Variants in PIGW observed in about 807,000 individuals in gnomAD.
PIGW encodes phosphatidylinositol glycan anchor biosynthesis class W, also known as glucosaminyl-phosphatidylinositol-acyltransferase PIGW.
A neutral mutation model predicts 34.0 loss-of-function variants in PIGW; 23 were observed. The observed-to-expected ratio is 0.68, with a 90% CI of 0.49 to 0.96. PIGW has a LOEUF of 0.96. PIGW is among the 40% of genes least tolerant of loss of function. PIGW has a pLI of 0.00. For missense variants in PIGW, 574 were observed against 586.3 expected (o/e 0.98, Z 0.22); for synonymous variants, 225 against 225.2 (o/e 1.00, Z 0.01).
Position 36,537,499 on chromosome 17 carries a change from G to A in PIGW, c.398G>A (p.Arg133His), listed in dbSNP as rs997305566. ...SEYNPAISCF[R>H]VITSAFTAIA... ...TACAATCCAGCCATCTCCTGTTTCC[G>A]TGTAATTACCAGTGCGTTTACTGCT... is the stretch of plus-strand genomic sequence containing the variant. The change falls in exon 2 of 2, where the codon CGT becomes CAT. Residue 133 changes from arginine (R) to histidine (H), a missense_variant. Transcript: ENST00000614443. The A allele has an allele frequency of 7.4e-6, 12 of 1,613,918 alleles. No homozygotes were observed. The highest frequency in any genetic ancestry group is 1.6e-4 in the Middle Eastern group (1 of 6,084).
In PIGW at chr17:36,538,438, G is replaced by A; in HGVS notation, c.1337G>A (p.Arg446Lys). ...PSLCLITALN[R>K]KQLIFFLLSN... is the part of the protein sequence containing the mutation. ...CTTTGTTTAATCACAGCTCTAAACAGAAAACAGTTAATATTTTTCTTGCTG... is the reference window on the plus strand; with the variant it reads ...CTTTGTTTAATCACAGCTCTAAACAAAAAACAGTTAATATTTTTCTTGCTG... The change falls in exon 2 of 2, where the codon AGA (arginine) becomes AAA (lysine). Residue 446 changes from arginine to lysine, a missense_variant. Coordinates refer to ENST00000614443, the MANE Select transcript of PIGW (RefSeq NM_001346754.2). 8 of 1,614,162 alleles carry A rather than the reference G, an allele frequency of 5.0e-6. No homozygotes were observed. In the Middle Eastern group the frequency reaches 1.2e-3, roughly 233 times the overall value.
Position 36,537,800 on chromosome 17 carries a change from A to T in PIGW, c.699A>T (p.Gly233=). The change falls in exon 2 of 2, where the codon GGA becomes GGT. Residue 233 remains glycine (G), a synonymous_variant. Transcript: ENST00000614443. ...ATCAGGAACATTTAACAGAGTATGG[A>T]GTTCACTGGAACTTTTTCTTTACCA... The part of the protein sequence containing the change: ...IGYQEHLTEY[G]VHWNFFFTII... The T allele has an allele frequency of 6.2e-7, 1 of 1,614,146 alleles. No homozygotes were observed. The highest frequency in any genetic ancestry group is 8.5e-7 in the Non-Finnish European group (1 of 1,179,996).
In PIGW at chr17:36,537,642, G is replaced by C. The variant is rs772405749; in HGVS notation, c.541G>C (p.Val181Leu). 3 of 1,614,146 alleles carry C rather than the reference G, an allele frequency of 1.9e-6. No homozygotes were observed. Among genetic ancestry groups the C allele is most frequent in the Non-Finnish European group, 2.5e-6 (3 of 1,180,034 alleles). ...VGGFVFGSAM[V>L]CLEVRRRKYM... ...TGGCTTTGTTTTTGGGTCTGCAATG[G>C]TTTGTCTAGAGGTCAGGAGGAGAAA... is the stretch of plus-strand genomic sequence containing the variant. The change falls in exon 2 of 2, where the codon GTT (valine) becomes CTT (leucine). Residue 181 changes from valine (V) to leucine (L), a missense_variant. Coordinates refer to ENST00000614443, the MANE Select transcript of PIGW (RefSeq NM_001346754.2).
Position 36,538,607 on chromosome 17 carries a change from A to G in PIGW, c.1506A>G (p.Gln502=), listed in dbSNP as rs1241968920. The change falls in exon 2 of 2, where the codon CAA becomes CAG. Residue 502 remains glutamine (Q), a synonymous_variant. Transcript: ENST00000614443. The part of the protein sequence containing the change: ...YVLYLQDKTV[Q]FW ...TATATTTGCAAGATAAGACTGTACA[A>G]TTTTGGTGATCAGCAGGAGTAGGAT... 4.4e-6 allele frequency: 7 copies of G among 1,592,912 alleles called. No homozygotes were observed. Among genetic ancestry groups the G allele is most frequent in the African/African-American group, 1.3e-5 (1 of 74,180 alleles).
rs117789606 is a variant in PIGW at position 36,537,354 on chromosome 17, G to A, written c.253G>A (p.Gly85Ser). 1,018 of 1,613,740 alleles carry A rather than the reference G, an allele frequency of 6.3e-4. 10 individuals are homozygous for A. The East Asian group carries it at 0.019, about 31-fold the overall frequency. Reference sequence around the variant, plus strand: ...TTCATTTATCCTCCTTGAGCTTCTCGGTGTAATTATCTTTGGGGCAGGGCT... The same window carrying A: ...TTCATTTATCCTCCTTGAGCTTCTCAGTGTAATTATCTTTGGGGCAGGGCT... ...WASFILLELLGVIIFGAGLLY... is the reference protein window; with the variant it reads ...WASFILLELLSVIIFGAGLLY... Residue 85 changes from glycine (G) to serine (S), a missense_variant, in exon 2 of 2, where the codon GGT becomes AGT. Coordinates refer to ENST00000614443, the MANE Select transcript of PIGW (RefSeq NM_001346754.2).
chr17:36,538,092 T>C lies in PIGW; in HGVS notation c.991T>C (p.Ser331Pro), dbSNP rs775303110. Residue 331 changes from serine to proline, a missense_variant, in exon 2 of 2, where the codon TCA becomes CCA. Physicochemically the swap from Ser to Pro is moderately conservative, Grantham distance 74. Transcript: ENST00000614443. The part of the protein sequence containing the change: ...QTGLYMHKNR[S>P]HIKDLIKVAC... ...AGGGTTATATATGCATAAGAACCGA[T>C]CACATATCAAAGACTTGATAAAAGT... 1 of 1,614,216 alleles carries C rather than the reference T, an allele frequency of 6.2e-7. No homozygotes were observed. The highest frequency in any genetic ancestry group is 2.2e-5 in the East Asian group (1 of 44,880).
Position 36,535,537 on chromosome 17 carries a change from A to G in PIGW, c.-64A>G, listed in dbSNP as rs916998256. On this transcript the variant is annotated 5_prime_UTR_variant, in exon 1 of 2. Transcript: ENST00000614443. ...CGCGTGGTTTGGCGGGTGCAGCGGC[A>G]GTCCGGCTGCCCTTCCCACGTAGAC... is the stretch of plus-strand genomic sequence containing the variant. 6.6e-6 allele frequency: 1 copy of G among 152,234 alleles called. No individual in the cohort carries two copies. Among genetic ancestry groups the G allele is most frequent in the Non-Finnish European group, 1.5e-5 (1 of 68,036 alleles). The allele number at this position is 152,234 out of a possible 1,614,324, so 9.4% of individuals were successfully genotyped here.
In PIGW at chr17:36,535,570, T is replaced by G. The variant is rs1042658337; in HGVS notation, c.-31T>G. ...TGCCCTTCCCACGTAGACCGTCTGC[T>G]GGGGGCGCCGGCACCATTTGGAGTA... On this transcript the variant is annotated 5_prime_UTR_variant, in exon 1 of 2. Transcript: ENST00000614443. The G allele has an allele frequency of 6.6e-6, 1 of 152,224 alleles. No homozygotes were observed. The highest frequency in any genetic ancestry group is 1.5e-5 in the Non-Finnish European group (1 of 68,048). 9.4% of individuals were successfully genotyped at this position (152,224 alleles called of 1,614,324 possible).
At position 36,537,652 on chromosome 17, in the gene PIGW, A is replaced by T; in HGVS notation, c.551A>T (p.Glu184Val). 1 of 1,614,124 alleles carries T rather than the reference A, an allele frequency of 6.2e-7. No individual in the cohort carries two copies. The change falls in exon 2 of 2, where the codon GAG becomes GTG. Residue 184 changes from glutamate (E) to valine (V), a missense_variant. Transcript: ENST00000614443. ...FVFGSAMVCLEVRRRKYMEGS... is the reference protein window; with the variant it reads ...FVFGSAMVCLVVRRRKYMEGS... ...TTTGGGTCTGCAATGGTTTGTCTAG[A>T]GGTCAGGAGGAGAAAATATATGGAA...
In PIGW at chr17:36,535,203, T is replaced by C. The variant is rs1467986642; in HGVS notation, c.-398T>C. 6 of 152,258 alleles carry C rather than the reference T, an allele frequency of 3.9e-5. No homozygotes were observed. Among genetic ancestry groups the C allele is most frequent in the East Asian group, 1.9e-4 (1 of 5,174 alleles). 9.4% of individuals were successfully genotyped at this position (152,258 alleles called of 1,614,324 possible). On this transcript the variant is annotated 5_prime_UTR_variant, in exon 1 of 2. Coordinates refer to ENST00000614443, the MANE Select transcript of PIGW (RefSeq NM_001346754.2). ...AGTAGAGGTCGCCGCGGCGGAGTCTTGTGCGAGTGCGGCGGAGTGTTGTGC... is the reference window on the plus strand; with the variant it reads ...AGTAGAGGTCGCCGCGGCGGAGTCTCGTGCGAGTGCGGCGGAGTGTTGTGC...
intron 1 of PIGW, among the ~76,000 whole-genome samples, chr17:36,536,657 G>A (rs1386462423): frequency 6.6e-6 from 1 of 151,296 alleles, no homozygotes; most frequent in Non-Finnish European, 1.5e-5. Flanking sequence ...TGGGATTACA[G>A]GCGGGTGCCA....
Position 36,537,192 on chromosome 17 carries a change from T to C in PIGW, c.91T>C (p.Phe31Leu). 6.2e-7 allele frequency: 1 copy of C among 1,614,190 alleles called. No homozygotes were observed. The highest frequency in any genetic ancestry group is 8.5e-7 in the Non-Finnish European group (1 of 1,180,000). Residue 31 changes from phenylalanine to leucine, a missense_variant, in exon 2 of 2, where the codon TTC (phenylalanine) becomes CTC (leucine). Transcript: ENST00000614443. ...EITQGLCFPA[F>L]CILCRGFLII... ...CACCCAGGGATTGTGCTTTCCTGCA[T>C]TCTGTATCCTGTGCAGAGGGTTCCT...
intron 1 of PIGW, among the ~76,000 whole-genome samples, chr17:36,536,129 C>G (rs55791191): frequency 6.6e-6 from 1 of 152,278 alleles, no homozygotes; most frequent in South Asian, 2.1e-4. Flanking sequence ...TTTTACAACC[C>G]TTAATAAAAG....
In PIGW at chr17:36,537,628, T is replaced by C. The variant is rs2074160455; in HGVS notation, c.527T>C (p.Phe176Ser). 1 of 1,614,002 alleles carries C rather than the reference T, an allele frequency of 6.2e-7. No homozygotes were observed. Among genetic ancestry groups the C allele is most frequent in the Admixed American group, 1.7e-5 (1 of 59,976 alleles). ...GATTTTGGAGTAGGTGGCTTTGTTT[T>C]TGGGTCTGCAATGGTTTGTCTAGAG... The part of the protein sequence containing the change: ...AMDFGVGGFV[F>S]GSAMVCLEVR... The change falls in exon 2 of 2, where the codon TTT becomes TCT. Residue 176 changes from phenylalanine (F) to serine (S), a missense_variant. Physicochemically the swap from Phe to Ser is radical, Grantham distance 155. Coordinates refer to ENST00000614443, the MANE Select transcript of PIGW (RefSeq NM_001346754.2).
At chr17:36,535,621 C>G (rs943203476) in intron 1 of PIGW, 29 bp downstream of exon 1, 2 of 152,224 alleles carry the variant, frequency 1.3e-5, no homozygotes, top group South Asian at 4.1e-4. Context: ...TAGGGCGCGG[C>G]CAGGTCGGGC....
Position 36,538,006 on chromosome 17 carries a change from A to G in PIGW, c.905A>G (p.Asn302Ser), listed in dbSNP as rs773486077. Residue 302 changes from asparagine (N) to serine (S), a missense_variant, in exon 2 of 2, where the codon AAC becomes AGC. Transcript: ENST00000614443. ...SGTRVGLLNANREGIISTLGY... is the reference protein window; with the variant it reads ...SGTRVGLLNASREGIISTLGY... ...ACACGGGTTGGTCTATTAAATGCCA[A>G]CCGCGAAGGAATAATCTCTACCCTG... 1.2e-6 allele frequency: 2 copies of G among 1,614,048 alleles called. No homozygotes were observed. The highest frequency in any genetic ancestry group is 1.7e-6 in the Non-Finnish European group (2 of 1,180,048).
rs886974752 is a variant in PIGW at position 36,538,760 on chromosome 17, AT to A, written c.*155del. ...ATCTAAACAGCAGTGATGCTTAATTATTTTTTTTTTTGAGACAGAGTCTTGC... is the reference window on the plus strand; with the variant it reads ...ATCTAAACAGCAGTGATGCTTAATTATTTTTTTTTTGAGACAGAGTCTTGC... On this transcript the variant is annotated 3_prime_UTR_variant, in exon 2 of 2. Coordinates refer to ENST00000614443, the MANE Select transcript of PIGW (RefSeq NM_001346754.2). The A allele has an allele frequency of 0.053, 28,455 of 540,014 alleles. No individual in the cohort carries two copies. The highest frequency in any genetic ancestry group is 0.084 in the South Asian group (2,498 of 29,774). 33.5% of individuals were successfully genotyped at this position (540,014 alleles called of 1,614,324 possible).
At chr17:36,537,025 A>G (rs902760395) in intron 1 of PIGW, 69 bp from the exon 2 acceptor site, 12 of 1,348,700 alleles carry the variant, frequency 8.9e-6, no homozygotes, top group Non-Finnish European at 1.1e-5. Context: ...AGTAAAATTA[A>G]GCCAGGTATG....
At position 36,538,214 on chromosome 17, in the gene PIGW, A is replaced by G. The variant is rs2074170125; in HGVS notation, c.1113A>G (p.Leu371=). 6.2e-7 allele frequency: 1 copy of G among 1,613,234 alleles called. No homozygotes were observed. Among genetic ancestry groups the G allele is most frequent in the African/African-American group, 1.3e-5 (1 of 75,062 alleles). The stretch of plus-strand genomic sequence containing the variant: ...CAGTATCTCGAAGAATGGCAAATTT[A>G]GCCTTTTGTATTTGGATAGTTGCTT... ...VEAVSRRMAN[L]AFCIWIVASS... Residue 371 remains leucine (L), a synonymous_variant, in exon 2 of 2, where the codon TTA becomes TTG. Coordinates refer to ENST00000614443, the MANE Select transcript of PIGW (RefSeq NM_001346754.2).
Sources: gnomAD v4.1 joint callset for allele counts (sites outside exome capture counted in the v4.1 genomes callset) on GRCh38, gnomAD v4.1.1 for gene constraint, MANE v1.5 for transcripts, NCBI Gene and HGNC (gene_info 2026-07-23, HGNC 2026-07-21) for gene names.